The following SDK1 variants were observed in gnomAD, a reference collection of about 807,000 sequenced individuals.
SDK1 encodes protein sidekick-1.
In SDK1, 157 loss-of-function variants were observed where a neutral mutation model predicts 245.5. The observed-to-expected ratio is 0.64, with a 90% CI of 0.56 to 0.73. The LOEUF (loss-of-function observed/expected upper bound fraction) is 0.73. SDK1 is among the 30% of genes least tolerant of loss of function. SDK1 has a pLI of 0.00. For synonymous variants in SDK1, 1,647 were observed against 1,278.5 expected, an observed-to-expected ratio of 1.29 and a Z score of -6.15; for missense variants, 3,583 against 3,002.3, an observed-to-expected ratio of 1.19 and a Z score of -4.52.
chr7:3,688,421 G>A (rs979770095), intron 4 of SDK1, among the ~76,000 whole-genome samples: 6 of 152,362 alleles, frequency 3.9e-5, no homozygotes, highest in African/African-American at 1.2e-4. Flanking sequence ...TATGAGAACT[G>A]AGAAGTAATA....
intron 5 of SDK1, among the ~76,000 whole-genome samples, chr7:3,839,343 C>T (rs1466739537): frequency 6.6e-6 from 1 of 152,146 alleles, no homozygotes; most frequent in African/African-American, 2.4e-5. Context: ...AAGAAATCCC[C>T]TTGCGAGCCA....
intron 1 of SDK1, among the ~76,000 whole-genome samples, chr7:3,573,738 G>T (rs951127708): frequency 1.3e-5 from 2 of 152,018 alleles, no homozygotes; most frequent in Non-Finnish European, 2.9e-5. Flanking sequence ...GCCAGGCTGC[G>T]TGGTGGCTGA....
intron 25 of SDK1, among the ~76,000 whole-genome samples, chr7:4,117,456 G>A (rs78288934): frequency 2.0e-5 from 3 of 152,144 alleles, no homozygotes; most frequent in Admixed American, 1.3e-4. Flanking sequence ...CAACGGAGCA[G>A]GTTATTATGC....
chr7:4,183,757 C>T (rs541447646), intron 35 of SDK1, among the ~76,000 whole-genome samples: 6 of 152,046 alleles, frequency 3.9e-5, no homozygotes, highest in African/African-American at 7.2e-5. Flanking sequence ...CACCCCCAAA[C>T]GAGGAGGGGG....
intron 1 of SDK1, among the ~76,000 whole-genome samples, chr7:3,334,189 G>T (rs1408196345): frequency 6.6e-6 from 1 of 152,176 alleles, no homozygotes; most frequent in East Asian, 1.9e-4. Flanking sequence ...GGAGTAGATT[G>T]AAGTGAGTCA....
chr7:4,144,902 G>A (rs546356619), intron 28 of SDK1, among the ~76,000 whole-genome samples: 12 of 152,304 alleles, frequency 7.9e-5, no homozygotes, highest in African/African-American at 2.6e-4. Context: ...TTTAATCAGC[G>A]CAGGAGCTCA....
At chr7:3,636,807 T>A (rs954768701) in intron 2 of SDK1, among the ~76,000 whole-genome samples, 2 of 152,242 alleles carry the variant, frequency 1.3e-5, no homozygotes, top group Non-Finnish European at 2.9e-5. Context: ...TACATTCCCA[T>A]GTACAGTAGT....
intron 1 of SDK1, among the ~76,000 whole-genome samples, chr7:3,362,176 C>A (rs1429298234): frequency 6.6e-6 from 1 of 152,140 alleles, no homozygotes; most frequent in Non-Finnish European, 1.5e-5. Flanking sequence ...ATGAAATTAA[C>A]CCTGGGAGAA....
chr7:3,551,868 G>T (rs1207689000), intron 1 of SDK1, among the ~76,000 whole-genome samples: 1 of 151,928 alleles, frequency 6.6e-6, no homozygotes, highest in Non-Finnish European at 1.5e-5. Flanking sequence ...TTGTTTTTAA[G>T]GAACAATTTT....
chr7:4,048,162 T>G (rs1789157652), intron 17 of SDK1, among the ~76,000 whole-genome samples: 1 of 152,152 alleles, frequency 6.6e-6, no homozygotes, highest in African/African-American at 2.4e-5. Context: ...GGATCCCGTG[T>G]GTTCCGGCCG....
intron 1 of SDK1, among the ~76,000 whole-genome samples, chr7:3,446,531 C>T (rs769484433): frequency 1.3e-5 from 2 of 152,096 alleles, no homozygotes; most frequent in Non-Finnish European, 2.9e-5. Context: ...GTAAGAGCCA[C>T]GAAACTTCCT....
At chr7:3,636,881 G>T (rs1197638041) in intron 2 of SDK1, among the ~76,000 whole-genome samples, 1 of 152,134 alleles carries the variant, frequency 6.6e-6, no homozygotes, top group African/African-American at 2.4e-5. Flanking sequence ...CATCCTAACA[G>T]GAGTAAGATG....
intron 1 of SDK1, among the ~76,000 whole-genome samples, chr7:3,605,827 T>G (rs1781404592): frequency 6.6e-6 from 1 of 152,216 alleles, no homozygotes; most frequent in African/African-American, 2.4e-5. Flanking sequence ...ATTTAAATTT[T>G]AACTTCTGAT....
chr7:3,376,717 C>A (rs987431859), intron 1 of SDK1, among the ~76,000 whole-genome samples: 3 of 152,076 alleles, frequency 2.0e-5, no homozygotes, highest in African/African-American at 7.2e-5. Flanking sequence ...ATGCAAATAC[C>A]AAATGAGTGC....
chr7:3,631,604 A>G (rs1476641246), intron 2 of SDK1, among the ~76,000 whole-genome samples: 5 of 152,242 alleles, frequency 3.3e-5, no homozygotes, highest in African/African-American at 1.2e-4. Flanking sequence ...TCTCCCCACA[A>G]AGTTGAGTGT....
At chr7:3,899,027 C>G (rs992315902) in intron 5 of SDK1, among the ~76,000 whole-genome samples, 32 of 152,156 alleles carry the variant, frequency 2.1e-4, no homozygotes, top group African/African-American at 7.5e-4. Flanking sequence ...ATTATCGTAT[C>G]AGCTCAATTT....
chr7:4,133,256 G>A (rs1219047221), intron 28 of SDK1, among the ~76,000 whole-genome samples: 1 of 152,190 alleles, frequency 6.6e-6, no homozygotes, highest in East Asian at 1.9e-4. Context: ...TGAAAAGCCT[G>A]AATTTTTCCG....
intron 20 of SDK1, among the ~76,000 whole-genome samples, chr7:4,075,109 C>A (rs1350691528): frequency 6.6e-6 from 1 of 151,368 alleles, no homozygotes; most frequent in Admixed American, 6.6e-5. Flanking sequence ...CAGGCAGAGA[C>A]CCCAAAGGCA....
intron 1 of SDK1, among the ~76,000 whole-genome samples, chr7:3,394,202 C>T (rs756344505): frequency 1.3e-5 from 2 of 152,116 alleles, no homozygotes; most frequent in Admixed American, 6.5e-5. Flanking sequence ...ACTTCTCCCC[C>T]GACCCTCATT....
Sources: gnomAD v4.1 joint callset for allele counts (sites outside exome capture counted in the v4.1 genomes callset) on GRCh38, gnomAD v4.1.1 for gene constraint, MANE v1.5 for transcripts, NCBI Gene and HGNC (gene_info 2026-07-23, HGNC 2026-07-21) for gene names.